Variants in DPY19L2 observed in about 807,000 individuals in gnomAD.
The protein encoded by DPY19L2 is dpy-19 like 2.
Under a neutral mutation model 97.9 loss-of-function variants are expected in DPY19L2, and 34 were observed. The observed-to-expected ratio is 0.35, with a 90% CI of 0.26 to 0.46. DPY19L2 has a LOEUF of 0.46. DPY19L2 is among the 20% of genes least tolerant of loss of function. DPY19L2 has a pLI of 1.00. For synonymous variants in DPY19L2, 230 were observed against 307.9 expected (o/e 0.75, Z 2.65); for missense variants, 623 against 911.4 (o/e 0.68, Z 4.07).
At chr12:63,666,078 G>A (rs972341028) in intron 1 of DPY19L2, among the ~76,000 whole-genome samples, 2 of 152,126 alleles carry the variant, frequency 1.3e-5, no homozygotes, top group African/African-American at 4.8e-5. Context: ...GACAAGCAAA[G>A]GGAGAAACTT....
intron 14 of DPY19L2, among the ~76,000 whole-genome samples, chr12:63,596,373 A>C (rs117690890): frequency 0.029 from 4,481 of 152,184 alleles, 104 homozygotes; most frequent in Middle Eastern, 0.082. Context: ...CTACGTTGTA[A>C]CTTTCTGTAC....
chr12:63,640,896 T>C (rs1436223908), intron 6 of DPY19L2, among the ~76,000 whole-genome samples: 1 of 152,172 alleles, frequency 6.6e-6, no homozygotes. Flanking sequence ...TATTTATTGA[T>C]TTATTTTTAG....
At chr12:63,630,091 G>T (rs186807621) in intron 6 of DPY19L2, among the ~76,000 whole-genome samples, 2 of 152,204 alleles carry the variant, frequency 1.3e-5, no homozygotes, top group South Asian at 2.1e-4. Context: ...AGGAACAACT[G>T]GTACCAGCCA....
chr12:63,565,097 CT>C (rs1877393509), intron 21 of DPY19L2, among the ~76,000 whole-genome samples: 1 of 152,084 alleles, frequency 6.6e-6, no homozygotes, highest in African/African-American at 2.4e-5. Context: ...AACTTTTAAC[CT>C]CTTCGTTTCT....
intron 6 of DPY19L2, among the ~76,000 whole-genome samples, chr12:63,628,574 C>G (rs542079730): frequency 6.6e-6 from 1 of 152,104 alleles, no homozygotes; most frequent in African/African-American, 2.4e-5. Flanking sequence ...CCAGGAAGCT[C>G]GAACAGGGTG....
rs571161244 is a variant in DPY19L2, at chr12:63,562,273, T to C, written c.2127-1611A>G. Among the ~76,000 whole-genome samples the C allele has an allele frequency of 5.3e-5, 8 of 152,314 alleles. No homozygotes were observed. In the South Asian group the frequency reaches 1.5e-3, roughly 28 times the overall value. The stretch of plus-strand genomic sequence containing the variant: ...TTCTGCCCTTTTGTAATCCTAATTA[T>C]TGCATGCTTTCTTTTTTGTCTGGCT... On this transcript the variant is annotated intron_variant, in intron 21 of 21. Transcript: ENST00000324472.
rs184221978 is a variant in DPY19L2, at chr12:63,580,491, G to C, written c.1900+171C>G. On this transcript the variant is annotated intron_variant, in intron 19 of 21. Transcript: ENST00000324472. ...AATTGCCTTTTGGAAGGGTTTAATT[G>C]ATTGACATTGCAATAGTCTGCTCAA... Among the ~76,000 whole-genome samples, 534 of 152,212 alleles carry C rather than the reference G, an allele frequency of 3.5e-3. 13 individuals are homozygous for C. Among genetic ancestry groups the C allele is most frequent in the Non-Finnish European group, 1.1e-3 (77 of 68,006 alleles).
chr12:63,615,511 C>G (rs1323556489), intron 11 of DPY19L2, among the ~76,000 whole-genome samples: 1 of 152,134 alleles, frequency 6.6e-6, no homozygotes, highest in Non-Finnish European at 1.5e-5. Flanking sequence ...TCAAGCTATA[C>G]CATGAGACAA....
chr12:63,574,860 C>T (rs979600518), intron 19 of DPY19L2, among the ~76,000 whole-genome samples: 5 of 151,932 alleles, frequency 3.3e-5, no homozygotes, highest in African/African-American at 1.2e-4. Flanking sequence ...ACAATAATAG[C>T]CTGAGACTTC....
At chr12:63,607,238 A>G (rs968277422) in intron 12 of DPY19L2, among the ~76,000 whole-genome samples, 8 of 152,062 alleles carry the variant, frequency 5.3e-5, no homozygotes, top group Non-Finnish European at 1.2e-4. Context: ...TTTGATGCTT[A>G]TGGACACTCT....
intron 6 of DPY19L2, among the ~76,000 whole-genome samples, chr12:63,631,542 T>C (rs1156253705): frequency 6.6e-6 from 1 of 151,952 alleles, no homozygotes; most frequent in Admixed American, 6.6e-5. Flanking sequence ...AATAGACCAA[T>C]AACAGGCTCT....
intron 6 of DPY19L2, among the ~76,000 whole-genome samples, chr12:63,630,950 T>A (rs1592647124): frequency 6.6e-6 from 1 of 152,026 alleles, no homozygotes; most frequent in Non-Finnish European, 1.5e-5. Flanking sequence ...AACTGAATAA[T>A]CTGCTCCTGA....
intron 19 of DPY19L2, among the ~76,000 whole-genome samples, chr12:63,573,896 T>C (rs1403940248): frequency 1.3e-5 from 2 of 152,042 alleles, no homozygotes; most frequent in Non-Finnish European, 2.9e-5. Context: ...GAAATTTCAT[T>C]CACACCAGAC....
intron 21 of DPY19L2, among the ~76,000 whole-genome samples, chr12:63,561,373 G>A (rs11836057): frequency 0.47 from 71,848 of 151,972 alleles, 18,086 homozygotes; most frequent in African/African-American, 0.65. Flanking sequence ...TACCACAATC[G>A]TAATACAGAA....
At chr12:63,648,917 T>A (rs1592723939) in intron 4 of DPY19L2, among the ~76,000 whole-genome samples, 1 of 151,864 alleles carries the variant, frequency 6.6e-6, no homozygotes, top group African/African-American at 2.4e-5. Context: ...AAAGCAACAA[T>A]CATAAATATA....
At chr12:63,641,845 G>T (rs1029721654) in intron 6 of DPY19L2, among the ~76,000 whole-genome samples, 1 of 151,990 alleles carries the variant, frequency 6.6e-6, no homozygotes, top group Non-Finnish European at 1.5e-5. Flanking sequence ...GAGTTACAAG[G>T]TATCTATATC....
chr12:63,568,639 T>C (rs970975860), intron 21 of DPY19L2, among the ~76,000 whole-genome samples: 101 of 152,188 alleles, frequency 6.6e-4, no homozygotes, highest in African/African-American at 2.3e-3. Flanking sequence ...TGATTGCCAA[T>C]GTGTCATTCT....
chr12:63,640,736 T>C (rs1019802252), intron 6 of DPY19L2, among the ~76,000 whole-genome samples: 10 of 152,184 alleles, frequency 6.6e-5, no homozygotes, highest in African/African-American at 2.4e-4. Flanking sequence ...ATAACCAATT[T>C]AGAGAGACTA....
intron 21 of DPY19L2, among the ~76,000 whole-genome samples, chr12:63,564,100 C>T (rs1030210866): frequency 2.0e-5 from 3 of 152,166 alleles, no homozygotes; most frequent in African/African-American, 7.2e-5. Flanking sequence ...TAAAATCTTT[C>T]TTATTCCTGA....
Sources: gnomAD v4.1 joint callset for allele counts (sites outside exome capture counted in the v4.1 genomes callset) on GRCh38, gnomAD v4.1.1 for gene constraint, MANE v1.5 for transcripts, NCBI Gene and HGNC (gene_info 2026-07-23, HGNC 2026-07-21) for gene names.